SCARA5: variants seen among roughly 807,000 people sequenced by gnomAD.
SCARA5 encodes scavenger receptor class A, member 5 (putative).
SCARA5 carries 45 observed loss-of-function variants against 46.3 expected under a neutral mutation model. The observed-to-expected ratio is 0.97, with a 90% CI of 0.76 to 1.24. The LOEUF (loss-of-function observed/expected upper bound fraction) is 1.24, where lower values mean the gene tolerates loss of function less well. Ranked by LOEUF, SCARA5 falls within the 50% of genes most tolerant of loss-of-function variation. The pLI is 0.00. For missense variants in SCARA5, 680 were observed against 689.0 expected (o/e 0.99, Z 0.15); for synonymous variants, 333 against 306.5 (o/e 1.09, Z -0.90).
chr8:27,965,377 C>T (rs938860176), intron 3 of SCARA5, among the ~76,000 whole-genome samples: 4 of 152,258 alleles, frequency 2.6e-5, no homozygotes, highest in Non-Finnish European at 4.4e-5. Flanking sequence ...CAAGTCAGCT[C>T]GGCCTGGCCA....
intron 3 of SCARA5, among the ~76,000 whole-genome samples, chr8:27,930,086 T>C (rs1453413724): frequency 6.6e-6 from 1 of 152,144 alleles, no homozygotes; most frequent in East Asian, 1.9e-4. Flanking sequence ...ACAGGTGAAA[T>C]AACCCAAACC....
intron 3 of SCARA5, among the ~76,000 whole-genome samples, chr8:27,934,291 G>T (rs1807822152): frequency 1.3e-5 from 2 of 152,214 alleles, no homozygotes; most frequent in South Asian, 2.1e-4. Context: ...AGGCAAGGAA[G>T]AAAATTGCCC....
At chr8:27,900,977 G>T (rs1198010680) in intron 7 of SCARA5, among the ~76,000 whole-genome samples, 1 of 151,896 alleles carries the variant, frequency 6.6e-6, no homozygotes, top group Non-Finnish European at 1.5e-5. Context: ...TCTCTCTGTT[G>T]TTGGTCTCTG....
At chr8:27,887,182 T>C (rs992539685) in intron 7 of SCARA5, among the ~76,000 whole-genome samples, 1 of 152,112 alleles carries the variant, frequency 6.6e-6, no homozygotes. Context: ...CTTCAATGAC[T>C]GCGAGGCACC....
chr8:27,892,558 G>A (rs941489128), intron 7 of SCARA5, among the ~76,000 whole-genome samples: 16 of 151,600 alleles, frequency 1.1e-4, no homozygotes, highest in Admixed American at 1.1e-3. Context: ...GAGCAGGATT[G>A]GAATCTGACT....
chr8:27,878,997 T>C (rs1244897966), intron 8 of SCARA5, among the ~76,000 whole-genome samples: 1 of 152,034 alleles, frequency 6.6e-6, no homozygotes, highest in Non-Finnish European at 1.5e-5. Context: ...AGTGGGAGGA[T>C]CGCTTGAGCC....
At chr8:27,892,160 G>T (rs1258646861) in intron 7 of SCARA5, among the ~76,000 whole-genome samples, 3 of 152,220 alleles carry the variant, frequency 2.0e-5, no homozygotes, top group Non-Finnish European at 4.4e-5. Flanking sequence ...TGAGAGGCAG[G>T]GATGGTGGAA....
At chr8:27,904,155 C>G (rs912544568) in intron 7 of SCARA5, among the ~76,000 whole-genome samples, 6 of 152,262 alleles carry the variant, frequency 3.9e-5, no homozygotes, top group Non-Finnish European at 5.9e-5. Context: ...TCTGCCGGAT[C>G]GCAAGCTCTC....
intron 7 of SCARA5, among the ~76,000 whole-genome samples, chr8:27,887,484 C>T (rs189184840): frequency 1.1e-4 from 17 of 152,252 alleles, no homozygotes; most frequent in African/African-American, 2.4e-4. Flanking sequence ...GGAATGGCAC[C>T]GGCACATAGC....
At chr8:27,872,186 G>T in intron 8 of SCARA5, 116 bp from the exon 9 acceptor site, 1 of 1,034,416 alleles carries the variant, frequency 9.7e-7, no homozygotes, top group South Asian at 1.4e-5. Flanking sequence ...AAACCTAGGG[G>T]CTTCCAGCTG....
At chr8:27,967,019 T>C (rs968463381) in intron 2 of SCARA5, among the ~76,000 whole-genome samples, 2 of 152,244 alleles carry the variant, frequency 1.3e-5, no homozygotes, top group Admixed American at 1.3e-4. Context: ...GTGCCTGCTC[T>C]GGCAGAGGCT....
chr8:27,887,943 G>A (rs1168877269), intron 7 of SCARA5, among the ~76,000 whole-genome samples: 1 of 152,200 alleles, frequency 6.6e-6, no homozygotes, highest in Non-Finnish European at 1.5e-5. Context: ...CTTAACATAT[G>A]TCCCTGAGGT....
At chr8:27,958,538 G>A (rs182541369) in intron 3 of SCARA5, among the ~76,000 whole-genome samples, 14 of 152,334 alleles carry the variant, frequency 9.2e-5, no homozygotes, top group South Asian at 2.1e-4. Flanking sequence ...ATGTCCTCTC[G>A]GGAACTGCAC....
Position 27,959,315 on chromosome 8 carries a change from C to G in SCARA5, c.241+7099G>C, listed in dbSNP as rs118073331. ...ATGGTCACAGCCTGGCACACTCCCC[C>G]CTGGCTAGGCCACCCCAGGAGTGGT... On this transcript the variant is annotated intron_variant, in intron 3 of 8. Transcript: ENST00000354914. 2.3e-3 allele frequency among the ~76,000 whole-genome samples: 352 copies of G among 152,346 alleles called. 8 individuals are homozygous for G. In the East Asian group the frequency reaches 0.028, roughly 12 times the overall value.
rs777920347 is a variant in SCARA5 at position 27,922,116 on chromosome 8, T to C, written c.371A>G (p.Gln124Arg). The C allele has an allele frequency of 6.2e-5, 99 of 1,605,872 alleles. No homozygotes were observed. The highest frequency in any genetic ancestry group is 8.5e-5 in the Admixed American group (5 of 58,942). The stretch of plus-strand genomic sequence containing the variant: ...CAGCGCGTCCTGCACCTTCCACACC[T>C]GCTCCGTCAGGTCCGCTTGCAGCGG... The part of the protein sequence containing the change: ...QAPLQADLTE[Q>R]VWKVQDALQN... The change falls in exon 4 of 9, where the codon CAG becomes CGG. Residue 124 changes from glutamine to arginine, a missense_variant. Physicochemically the swap from Gln to Arg is conservative, Grantham distance 43 (BLOSUM62 1). This residue lies in a region of SCARA5 where 438 missense variants were observed against 384.5 expected (regional missense o/e 1.14). Transcript: ENST00000354914.
intron 3 of SCARA5, among the ~76,000 whole-genome samples, chr8:27,962,235 T>C (rs944358080): frequency 6.6e-6 from 1 of 152,182 alleles, no homozygotes; most frequent in Non-Finnish European, 1.5e-5. Flanking sequence ...CATATCCTCA[T>C]ACAAGGGATG....
intron 2 of SCARA5, 104 bp from the exon 3 acceptor site, chr8:27,966,646 T>C (rs1210454080): frequency 6.3e-6 from 8 of 1,265,594 alleles, no homozygotes; most frequent in African/African-American, 1.5e-5. Context: ...CAGATGTTCA[T>C]GTTGAACTTC....
At chr8:27,984,790 T>G (rs967468287) in intron 2 of SCARA5, among the ~76,000 whole-genome samples, 3 of 152,122 alleles carry the variant, frequency 2.0e-5, no homozygotes, top group African/African-American at 7.2e-5. Flanking sequence ...CATCCATCCA[T>G]TCACCCATTC....
chr8:27,915,716 T>G (rs1285790927), intron 4 of SCARA5, among the ~76,000 whole-genome samples: 1 of 152,222 alleles, frequency 6.6e-6, no homozygotes, highest in Non-Finnish European at 1.5e-5. Context: ...ATTTTTTTTG[T>G]CCCAGCCAGG....
Sources: gnomAD v4.1 joint callset for allele counts (sites outside exome capture counted in the v4.1 genomes callset) on GRCh38, gnomAD v4.1.1 for gene constraint, gnomAD v4.1.1 regional missense constraint, MANE v1.5 for transcripts, NCBI Gene and HGNC (gene_info 2026-07-23, HGNC 2026-07-21) for gene names.